Variants in CFAP46 observed in about 807,000 individuals in gnomAD.
The protein encoded by CFAP46 is cilia and flagella associated protein 46.
CFAP46 carries 245 observed loss-of-function variants against 325.7 expected under a neutral mutation model. The observed-to-expected ratio is 0.75, with a 90% CI of 0.68 to 0.84. The LOEUF is 0.84. Among genes scored for constraint, CFAP46 ranks in the 40% least tolerant of loss-of-function variants. CFAP46 has a pLI of 0.00. For missense variants in CFAP46, 3,346 were observed against 3,543.0 expected, an observed-to-expected ratio of 0.94 and a Z score of 1.41; for synonymous variants, 1,523 against 1,495.9, an observed-to-expected ratio of 1.02 and a Z score of -0.42.
chr10:132,872,345 T>G (rs1848904713), intron 32 of CFAP46, among the ~76,000 whole-genome samples: 1 of 152,152 alleles, frequency 6.6e-6, no homozygotes, highest in South Asian at 2.1e-4. Context: ...CCTCCATTTC[T>G]TAGGCTCAGG....
At chr10:132,872,467 C>T (rs189434569) in intron 32 of CFAP46, 179 of 595,668 alleles carry the variant, frequency 3.0e-4, no homozygotes, top group Non-Finnish European at 4.3e-4. Context: ...CTATGTTGCC[C>T]AGGCTGGTCT....
Position 132,846,947 on chromosome 10 carries a change from G to A in CFAP46, c.6252C>T (p.Phe2084=). 2 of 1,610,476 alleles carry A rather than the reference G, an allele frequency of 1.2e-6. No homozygotes were observed. Among genetic ancestry groups the A allele is most frequent in the Non-Finnish European group, 1.7e-6 (2 of 1,179,430 alleles). Residue 2084 remains phenylalanine, a synonymous_variant, in exon 43 of 58, where the codon TTC becomes TTT. Transcript: ENST00000368586. Reference sequence around the variant, plus strand: ...AGAGACACACCTGAGACAGAGCCAGGAACTGGCAGGTAGTTGCAGGGTCCA... The same window carrying A: ...AGAGACACACCTGAGACAGAGCCAGAAACTGGCAGGTAGTTGCAGGGTCCA... ...GTLDPATTCQ[F]LALSQSCSAS...
At chr10:132,813,734 T>C (rs1030856870) in intron 54 of CFAP46, among the ~76,000 whole-genome samples, 2 of 151,976 alleles carry the variant, frequency 1.3e-5, no homozygotes, top group African/African-American at 4.8e-5. Flanking sequence ...GCGTGGAGCC[T>C]GTGACGTGGA....
chr10:132,831,477 C>T (rs1277201552), intron 50 of CFAP46, among the ~76,000 whole-genome samples: 3 of 152,114 alleles, frequency 2.0e-5, no homozygotes, highest in African/African-American at 4.8e-5. Context: ...TTAGCCTCCT[C>T]CTCTTTACGG....
rs118025767 is a variant in CFAP46, at chr10:132,855,367, G to C, written c.5574+2223C>G. On this transcript the variant is annotated intron_variant, in intron 39 of 57. Transcript: ENST00000368586. ...TCCAGCTTTCTTTTCATTAGTGTTA[G>C]CATGGTACATTTTTTCCATTCTTCT... 7.5e-3 allele frequency among the ~76,000 whole-genome samples: 1,149 copies of C among 152,252 alleles called. 15 individuals are homozygous for C. Among genetic ancestry groups the C allele is most frequent in the Admixed American group, 0.017 (263 of 15,296 alleles).
chr10:132,938,757 C>A lies in CFAP46; in HGVS notation c.372-4G>T, dbSNP rs201334709. On this transcript the variant is annotated splice_polypyrimidine_tract_variant and splice_region_variant and intron_variant, in intron 4 of 57. Transcript: ENST00000368586. ...ATTGTACACCAAAAAGTAGTACCTG[C>A]GGCGCGAGCAGAGGAAGCAGAGAGC... 3 of 1,609,788 alleles carry A rather than the reference C, an allele frequency of 1.9e-6. No individual in the cohort carries two copies. The highest frequency in any genetic ancestry group is 1.3e-5 in the African/African-American group (1 of 74,972).
intron 44 of CFAP46, among the ~76,000 whole-genome samples, chr10:132,837,748 C>T (rs1206932803): frequency 2.8e-5 from 4 of 142,204 alleles, no homozygotes; most frequent in Admixed American, 6.8e-5. Context: ...TACACAGATG[C>T]GCACGGACAC....
intron 24 of CFAP46, 25 bp from the exon 25 acceptor site, chr10:132,892,442 C>G (rs1045426685): frequency 1.9e-6 from 3 of 1,547,798 alleles, no homozygotes; most frequent in Non-Finnish European, 2.6e-6. Flanking sequence ...GTAAACGACA[C>G]GTATATTTGA....
chr10:132,942,352 A>ATCGTGGC, intron 1 of CFAP46, 84 bp downstream of exon 1: 1 of 843,374 alleles, frequency 1.2e-6, no homozygotes, highest in Non-Finnish European at 1.6e-6. Flanking sequence ...CTGGGATGAG[A>ATCGTGGC]GGGTCCGGGG....
intron 57 of CFAP46, among the ~76,000 whole-genome samples, chr10:132,809,470 GC>G (rs1847534459): frequency 6.6e-6 from 1 of 151,966 alleles, no homozygotes; most frequent in African/African-American, 2.4e-5. Flanking sequence ...CCTTCCTCCT[GC>G]CCCTCGCTCC....
intron 35 of CFAP46, among the ~76,000 whole-genome samples, chr10:132,861,959 A>G (rs1848727127): frequency 6.6e-6 from 1 of 152,172 alleles, no homozygotes; most frequent in Non-Finnish European, 1.5e-5. Flanking sequence ...GATGCCCAGG[A>G]CGAGGGAGGG....
At position 132,850,254 on chromosome 10, in the gene CFAP46, G is replaced by C; in HGVS notation, c.5942C>G (p.Ala1981Gly). 1 of 1,550,644 alleles carries C rather than the reference G, an allele frequency of 6.4e-7. No homozygotes were observed. The highest frequency in any genetic ancestry group is 8.7e-7 in the Non-Finnish European group (1 of 1,146,872). Reference protein sequence around the residue: ...DPVHPTCYWEAGPSVGAKLSG... With the variant: ...DPVHPTCYWEGGPSVGAKLSG... ...AGCAGGAGCACCTACCGAGGGGCCC[G>C]CCTCCCAGTAGCAGGTAGGGTGCAC... Residue 1981 changes from alanine (A) to glycine (G), a missense_variant, in exon 41 of 58, where the codon GCG becomes GGG. Transcript: ENST00000368586.
At chr10:132,916,093 C>T (rs1022370198) in intron 17 of CFAP46, among the ~76,000 whole-genome samples, 3 of 152,302 alleles carry the variant, frequency 2.0e-5, no homozygotes, top group South Asian at 2.1e-4. Context: ...AAGGCGTTTT[C>T]GAGGCCAAGG....
Position 132,919,872 on chromosome 10 carries a change from C to G in CFAP46, c.1730+187G>C, listed in dbSNP as rs1488185718. The stretch of plus-strand genomic sequence containing the variant: ...CATAGGCCGTGGCTGTCATCACAGG[C>G]TGGGGGGTCCCGTCTGTGGCGGGAC... On this transcript the variant is annotated intron_variant, in intron 14 of 57. Coordinates refer to ENST00000368586, the MANE Select transcript of CFAP46 (RefSeq NM_001200049.3). The surrounding 1 kb of genome is among the most constrained non-coding windows in gnomAD (Gnocchi z 9.7). Among the ~76,000 whole-genome samples, 1 of 152,146 alleles carries G rather than the reference C, an allele frequency of 6.6e-6. No homozygotes were observed. The highest frequency in any genetic ancestry group is 2.4e-5 in the African/African-American group (1 of 41,444).
intron 35 of CFAP46, among the ~76,000 whole-genome samples, chr10:132,863,534 C>T (rs1297126660): frequency 6.6e-6 from 1 of 151,984 alleles, no homozygotes; most frequent in African/African-American, 2.4e-5. Flanking sequence ...ATGCCTGAGA[C>T]CTGCACACAC....
intron 56 of CFAP46, 105 bp from the exon 57 acceptor site, chr10:132,810,594 A>T (rs1847560294): frequency 4.0e-6 from 4 of 1,005,150 alleles, no homozygotes; most frequent in Non-Finnish European, 6.3e-6. Flanking sequence ...CTTTCCCATA[A>T]GACGCTGGCC....
chr10:132,910,317 C>T (rs1003202852), intron 19 of CFAP46, among the ~76,000 whole-genome samples: 4 of 152,216 alleles, frequency 2.6e-5, no homozygotes, highest in Non-Finnish European at 4.4e-5. Flanking sequence ...TGAGCTGTCC[C>T]CACGGCATGG....
chr10:132,927,020 C>T (rs55713556), intron 9 of CFAP46, among the ~76,000 whole-genome samples: 1 of 152,150 alleles, frequency 6.6e-6, no homozygotes, highest in Non-Finnish European at 1.5e-5. Context: ...ATGTGTTGTA[C>T]GTCACACCGG....
rs148906131 is a variant in CFAP46, at chr10:132,880,191, C to T, written c.3800-560G>A. On this transcript the variant is annotated intron_variant, in intron 28 of 57. Coordinates refer to ENST00000368586, the MANE Select transcript of CFAP46 (RefSeq NM_001200049.3). The stretch of plus-strand genomic sequence containing the variant: ...CCTCTGCTCTTCACGGCAGGACTGC[C>T]GAGCCACCCCATGGGACTCTCCGTG... 5.4e-3 allele frequency among the ~76,000 whole-genome samples: 822 copies of T among 152,308 alleles called. 8 individuals are homozygous for T. The highest frequency in any genetic ancestry group is 0.037 in the South Asian group (179 of 4,824).
Sources: gnomAD v4.1 joint callset for allele counts (sites outside exome capture counted in the v4.1 genomes callset) on GRCh38, gnomAD v4.1.1 for gene constraint, Gnocchi (gnomAD v3.1) non-coding constraint, MANE v1.5 for transcripts, NCBI Gene and HGNC (gene_info 2026-07-23, HGNC 2026-07-21) for gene names.